Variants in ING2 observed in about 807,000 individuals in gnomAD.
ING2 encodes the protein inhibitor of growth protein 2.
Under a neutral mutation model 30.6 loss-of-function variants are expected in ING2, and 7 were observed. The ratio of observed to expected loss-of-function variants is 0.23; its 90% CI spans 0.13 to 0.43. The LOEUF (loss-of-function observed/expected upper bound fraction) is 0.43. ING2 is among the 20% of genes least tolerant of loss of function. The probability of loss-of-function intolerance (pLI) is 1.00; values close to 1 mark genes in which losing one functional copy is unlikely to be tolerated. For synonymous variants in ING2, 136 were observed against 121.7 expected (o/e 1.12, Z -0.78); for missense variants, 239 against 334.9 (o/e 0.71, Z 2.24).
Position 183,511,287 on chromosome 4 carries a change from A to G in ING2, c.*335A>G, listed in dbSNP as rs1734816437. On this transcript the variant is annotated 3_prime_UTR_variant, in exon 2 of 2. Transcript: ENST00000302327. ...TTTGGGTAAACACAAAAGTTTCACT[A>G]GCATTTTAGTTATACATGCTTAAAA... Among the ~76,000 whole-genome samples, 1 of 152,236 alleles carries G rather than the reference A, an allele frequency of 6.6e-6. No individual in the cohort carries two copies. Among genetic ancestry groups the G allele is most frequent in the African/African-American group, 2.4e-5 (1 of 41,466 alleles).
chr4:183,510,516 A>G lies in ING2; in HGVS notation c.407A>G (p.Asp136Gly). 6.2e-7 allele frequency: 1 copy of G among 1,614,136 alleles called. No individual in the cohort carries two copies. Among genetic ancestry groups the G allele is most frequent in the Non-Finnish European group, 8.5e-7 (1 of 1,180,040 alleles). ...CCTGCTGAAAGTGAACGAGCCTCAGATAAAGCAAAGATGGATTCCAGCCAA... is the reference window on the plus strand; with the variant it reads ...CCTGCTGAAAGTGAACGAGCCTCAGGTAAAGCAAAGATGGATTCCAGCCAA... ...QDPAESERAS[D>G]KAKMDSSQPE... The change falls in exon 2 of 2, where the codon GAT (aspartate) becomes GGT (glycine). Residue 136 changes from aspartate to glycine, a missense_variant. Around this residue, in one of 5 missense-constraint regions of ING2, gnomAD observed 115 missense variants for 120.1 expected, o/e 0.96. Coordinates refer to ENST00000302327, the MANE Select transcript of ING2 (RefSeq NM_001564.4).
intron 1 of ING2, chr4:183,505,951 T>C (rs112158727): frequency 0.086 from 33,947 of 394,424 alleles, 1,782 homozygotes; most frequent in Middle Eastern, 0.12. Context: ...CCCCGCGTTG[T>C]AGCCCTAGCC....
At chr4:183,507,486 A>T (rs1050203464) in intron 1 of ING2, among the ~76,000 whole-genome samples, 1 of 152,200 alleles carries the variant, frequency 6.6e-6, no homozygotes, top group African/African-American at 2.4e-5. Context: ...GGATACTATA[A>T]TTTGTTGACA....
At chr4:183,505,419 C>A in intron 1 of ING2, 52 bp downstream of exon 1, 1 of 1,452,604 alleles carries the variant, frequency 6.9e-7, no homozygotes, top group Non-Finnish European at 9.3e-7. Context: ...GGAGCCTGTC[C>A]GGGGGAGTGC....
At chr4:183,505,400 CG>C (rs1734610728) in intron 1 of ING2, 33 bp downstream of exon 1, 2 of 1,507,632 alleles carry the variant, frequency 1.3e-6, no homozygotes, top group African/African-American at 1.4e-5. Flanking sequence ...CCTCGGGAGC[CG>C]GTGGCGGGGA....
At chr4:183,506,604 TACGAACTTTAA>T in intron 1 of ING2, among the ~76,000 whole-genome samples, 1 of 152,356 alleles carries the variant, frequency 6.6e-6, no homozygotes, top group African/African-American at 2.4e-5. Context: ...GAAACAGCCA[TACGAACTTTAA>T]AGATAATTTC....
rs1356071149 is a variant in ING2 at position 183,510,582 on chromosome 4, G to C, written c.473G>C (p.Ser158Thr). Reference protein sequence around the residue: ...SSRRPRRQRTSESRDLCHMAN... With the variant: ...SSRRPRRQRTTESRDLCHMAN... Reference sequence around the variant, plus strand: ...AGAAGACCCCGCAGGCAGCGGACCAGTGAAAGCCGTGATTTATGTCACATG... The same window carrying C: ...AGAAGACCCCGCAGGCAGCGGACCACTGAAAGCCGTGATTTATGTCACATG... Residue 158 changes from serine (S) to threonine (T), a missense_variant, in exon 2 of 2, where the codon AGT becomes ACT. Coordinates refer to ENST00000302327, the MANE Select transcript of ING2 (RefSeq NM_001564.4). 1.2e-6 allele frequency: 2 copies of C among 1,613,944 alleles called. No individual in the cohort carries two copies. Among genetic ancestry groups the C allele is most frequent in the Non-Finnish European group, 1.7e-6 (2 of 1,180,054 alleles).
At chr4:183,505,683 G>A (rs1277007045) in intron 1 of ING2, among the ~76,000 whole-genome samples, 2 of 152,134 alleles carry the variant, frequency 1.3e-5, no homozygotes, top group Non-Finnish European at 2.9e-5. Context: ...GCCCCGTGCC[G>A]CAGACCCTGC....
intron 1 of ING2, among the ~76,000 whole-genome samples, chr4:183,507,460 A>T (rs1393268574): frequency 6.6e-6 from 1 of 152,204 alleles, no homozygotes; most frequent in African/African-American, 2.4e-5. Context: ...GAGTTAAGCT[A>T]TTTGAAGTTG....
chr4:183,507,139 C>A (rs1370877748), intron 1 of ING2, among the ~76,000 whole-genome samples: 2 of 152,164 alleles, frequency 1.3e-5, no homozygotes, highest in Non-Finnish European at 2.9e-5. Flanking sequence ...CTTGCTCTGT[C>A]CCCTAGGCTG....
chr4:183,511,094 TTGTC>T lies in ING2; in HGVS notation c.*146_*149del, dbSNP rs1234109462. The T allele has an allele frequency of 2.9e-6, 2 of 684,848 alleles. No homozygotes were observed. Among genetic ancestry groups the T allele is most frequent in the African/African-American group, 1.8e-5 (1 of 54,954 alleles). The allele number at this position is 684,848 out of a possible 1,614,324, so 42.4% of individuals were successfully genotyped here. On this transcript the variant is annotated 3_prime_UTR_variant, in exon 2 of 2. Coordinates refer to ENST00000302327, the MANE Select transcript of ING2 (RefSeq NM_001564.4). ...ATGGTGTATTAAAAGTTGTTGTACT[TTGTC>T]TGTGACCTTAATTTTCTGCACTGAG...
At position 183,511,067 on chromosome 4, in the gene ING2, T is replaced by A; in HGVS notation, c.*115T>A. The A allele has an allele frequency of 2.5e-6, 2 of 814,930 alleles. No individual in the cohort carries two copies. The highest frequency in any genetic ancestry group is 3.7e-6 in the Non-Finnish European group (2 of 535,628). 50.5% of individuals were successfully genotyped at this position (814,930 alleles called of 1,614,324 possible). On this transcript the variant is annotated 3_prime_UTR_variant, in exon 2 of 2. Coordinates refer to ENST00000302327, the MANE Select transcript of ING2 (RefSeq NM_001564.4). ...TGCAATAATTTTTAATCATTAGTATTAATGGTGTATTAAAAGTTGTTGTAC... is the reference window on the plus strand; with the variant it reads ...TGCAATAATTTTTAATCATTAGTATAAATGGTGTATTAAAAGTTGTTGTAC...
chr4:183,506,076 A>AG, intron 1 of ING2: 1 of 1,159,196 alleles, frequency 8.6e-7, no homozygotes, highest in Non-Finnish European at 1.1e-6. Flanking sequence ...GGGCTTGACG[A>AG]GGGGCGTGGG....
At chr4:183,508,467 A>AATAG (rs1479297534) in intron 1 of ING2, among the ~76,000 whole-genome samples, 1 of 152,154 alleles carries the variant, frequency 6.6e-6, no homozygotes, top group Non-Finnish European at 1.5e-5. Flanking sequence ...AAGCAAATGG[A>AATAG]ATAGACATGA....
intron 1 of ING2, chr4:183,506,113 C>G (rs1734638630): frequency 8.3e-7 from 1 of 1,210,412 alleles, no homozygotes; most frequent in East Asian, 6.8e-5. Context: ...TTCCCGCGGG[C>G]CTGGAAAATG....
rs1013704160 is a variant in ING2 at position 183,505,338 on chromosome 4, T to C, written c.143T>C (p.Val48Ala). 2.6e-6 allele frequency: 4 copies of C among 1,543,410 alleles called. No individual in the cohort carries two copies. The highest frequency in any genetic ancestry group is 1.9e-4 in the Middle Eastern group (1 of 5,394). The change falls in exon 1 of 2, where the codon GTG becomes GCG. Residue 48 changes from valine to alanine, a missense_variant. Around this residue, in one of 5 missense-constraint regions of ING2, gnomAD observed 80 missense variants for 102.4 expected, o/e 0.78. Coordinates refer to ENST00000302327, the MANE Select transcript of ING2 (RefSeq NM_001564.4). ...CACGACATGCAGAGGAACGTGTCTG[T>C]GCTGCGAGAGCTGGACAACAAATAT... Reference protein sequence around the residue: ...LPHDMQRNVSVLRELDNKYQE... With the variant: ...LPHDMQRNVSALRELDNKYQE...
intron 1 of ING2, among the ~76,000 whole-genome samples, chr4:183,509,468 C>T (rs566189545): frequency 5.7e-4 from 84 of 146,666 alleles, no homozygotes; most frequent in African/African-American, 2.0e-3. Context: ...TTTTTTGAGA[C>T]GGAGTCTTGC....
At chr4:183,507,204 G>A (rs1026220862) in intron 1 of ING2, among the ~76,000 whole-genome samples, 6 of 152,120 alleles carry the variant, frequency 3.9e-5, no homozygotes, top group Admixed American at 6.5e-5. Flanking sequence ...GGGTTCAAGC[G>A]ATTCTCCTGC....
At chr4:183,506,926 C>A (rs917320903) in intron 1 of ING2, among the ~76,000 whole-genome samples, 2 of 152,318 alleles carry the variant, frequency 1.3e-5, no homozygotes, top group Non-Finnish European at 2.9e-5. Context: ...GAGCCTGCTA[C>A]TGTAGATGCA....
Sources: allele counts gnomAD v4.1 joint callset (sites outside exome capture counted in the v4.1 genomes callset), GRCh38; gene constraint gnomAD v4.1.1; regional missense constraint gnomAD v4.1.1; transcripts MANE v1.5; gene names NCBI Gene and HGNC (gene_info 2026-07-23, HGNC 2026-07-21).